MGAT4C: variants seen among roughly 807,000 people sequenced by gnomAD.
MGAT4C encodes MGAT4 family member C, also known as alpha-1,3-mannosyl-glycoprotein 4-beta-N-acetylglucosaminyltransferase C.
MGAT4C carries 19 observed loss-of-function variants against 40.1 expected under a neutral mutation model. That is an observed-to-expected ratio of 0.47 (90% CI 0.33 to 0.70). MGAT4C has a LOEUF of 0.70. Among genes scored for constraint, MGAT4C ranks in the 30% least tolerant of loss-of-function variants. The pLI is 0.02. For missense variants in MGAT4C, 491 were observed against 563.2 expected (o/e 0.87, Z 1.30); for synonymous variants, 181 against 187.1 (o/e 0.97, Z 0.27).
intron 3 of MGAT4C, among the ~76,000 whole-genome samples, chr12:86,386,229 T>C (rs902076226): frequency 4.6e-5 from 7 of 152,278 alleles, no homozygotes; most frequent in East Asian, 1.9e-4. Context: ...GTAATTATTT[T>C]TGAGATTCAA....
At chr12:86,187,215 C>T (rs1299035943) in intron 1 of MGAT4C, among the ~76,000 whole-genome samples, 5 of 151,990 alleles carry the variant, frequency 3.3e-5, no homozygotes, top group Non-Finnish European at 7.4e-5. Flanking sequence ...ATAGCCCTAC[C>T]ACCCTGAATG....
intron 4 of MGAT4C, among the ~76,000 whole-genome samples, chr12:86,331,570 G>C (rs1447876580): frequency 6.6e-6 from 1 of 152,056 alleles, no homozygotes; most frequent in South Asian, 2.1e-4. Context: ...CCAGTTTCTG[G>C]TGTTTCTATC....
intron 3 of MGAT4C, among the ~76,000 whole-genome samples, chr12:86,416,872 A>G (rs747269513): frequency 2.8e-4 from 42 of 152,108 alleles, no homozygotes; most frequent in Admixed American, 1.6e-3. Flanking sequence ...AGTTAAGATG[A>G]TATCATTGGA....
At chr12:86,757,423 A>C (rs1464933658) in intron 1 of MGAT4C, among the ~76,000 whole-genome samples, 1 of 152,180 alleles carries the variant, frequency 6.6e-6, no homozygotes, top group Non-Finnish European at 1.5e-5. Flanking sequence ...TACTTTGTGC[A>C]TTGCATTAAA....
intron 2 of MGAT4C, among the ~76,000 whole-genome samples, chr12:86,640,997 T>C (rs982962737): frequency 1.3e-5 from 2 of 151,986 alleles, no homozygotes; most frequent in African/African-American, 2.4e-5. Flanking sequence ...TTCTTGTACA[T>C]TTGCTGAGGA....
Position 86,702,246 on chromosome 12 carries a change from T to C in MGAT4C, c.-229+24963A>G, listed in dbSNP as rs374759004. Among the ~76,000 whole-genome samples, 11 of 152,044 alleles carry C rather than the reference T, an allele frequency of 7.2e-5. No individual in the cohort carries two copies. In the East Asian group the frequency reaches 2.1e-3, roughly 30 times the overall value. Reference sequence around the variant, plus strand: ...TTTCAGAGATGTAGTATTACTATGTTGTTGCCCAGGCTGGTCTTGAATTTC... The same window carrying C: ...TTTCAGAGATGTAGTATTACTATGTCGTTGCCCAGGCTGGTCTTGAATTTC... On this transcript the variant is annotated intron_variant, in intron 2 of 7. Coordinates refer to the MGAT4C transcript ENST00000548651.
intron 1 of MGAT4C, among the ~76,000 whole-genome samples, chr12:86,085,937 T>G (rs555416402): frequency 3.3e-5 from 5 of 152,188 alleles, no homozygotes; most frequent in African/African-American, 1.2e-4. Context: ...TTTACACTGT[T>G]GGTGGGAGTG....
intron 1 of MGAT4C, among the ~76,000 whole-genome samples, chr12:86,787,092 T>G (rs572838027): frequency 8.9e-4 from 136 of 152,236 alleles, no homozygotes; most frequent in African/African-American, 3.2e-3. Context: ...GGGCTTTCAG[T>G]GCAAGCATCA....
chr12:85,956,999 T>C lies in MGAT4C; in HGVS notation c.*22290A>G, dbSNP rs932629803. 1 of 152,152 alleles carries C rather than the reference T, an allele frequency of 6.6e-6. No homozygotes were observed. The highest frequency in any genetic ancestry group is 1.5e-5 in the Non-Finnish European group (1 of 68,020). The allele number at this position is 152,152 out of a possible 1,614,324, so 9.4% of individuals were successfully genotyped here. ...CTTCCTATTGTAACAGCTGATTTCA[T>C]GGCTATGTGGAACCATTGGTTGGAC... On this transcript the variant is annotated 3_prime_UTR_variant, in exon 5 of 5. Transcript: ENST00000611864.
intron 1 of MGAT4C, among the ~76,000 whole-genome samples, chr12:86,145,417 C>T (rs1385488986): frequency 6.6e-6 from 1 of 152,016 alleles, no homozygotes; most frequent in African/African-American, 2.4e-5. Flanking sequence ...TTGGGTTGTG[C>T]ACAAAACTAA....
intron 2 of MGAT4C, among the ~76,000 whole-genome samples, chr12:86,539,941 A>T (rs1959144756): frequency 6.6e-6 from 1 of 152,010 alleles, no homozygotes; most frequent in Admixed American, 6.6e-5. Context: ...AGATTGGTAG[A>T]TTGTAAAAAT....
chr12:86,354,543 T>C (rs185102376), intron 3 of MGAT4C, among the ~76,000 whole-genome samples: 17 of 152,092 alleles, frequency 1.1e-4, no homozygotes, highest in Admixed American at 9.2e-4. Context: ...AAATAGAAGT[T>C]ATAAGAATAA....
At chr12:86,148,720 C>G (rs1029178548) in intron 1 of MGAT4C, among the ~76,000 whole-genome samples, 1 of 152,158 alleles carries the variant, frequency 6.6e-6, no homozygotes, top group Admixed American at 6.5e-5. Flanking sequence ...TTCATAAACA[C>G]TTTACCATTA....
intron 2 of MGAT4C, among the ~76,000 whole-genome samples, chr12:86,546,064 T>C (rs1051101239): frequency 6.6e-6 from 1 of 152,018 alleles, no homozygotes; most frequent in African/African-American, 2.4e-5. Context: ...GCTCAAAACG[T>C]TGACGTTTTT....
intron 2 of MGAT4C, among the ~76,000 whole-genome samples, chr12:86,497,434 G>T (rs1223176153): frequency 6.6e-6 from 1 of 151,850 alleles, no homozygotes; most frequent in Non-Finnish European, 1.5e-5. Flanking sequence ...CAAGGAAATT[G>T]TTACTTTTAT....
chr12:86,394,379 C>T (rs1417607080), intron 3 of MGAT4C, among the ~76,000 whole-genome samples: 11 of 151,082 alleles, frequency 7.3e-5, no homozygotes, highest in Non-Finnish European at 1.6e-4. Flanking sequence ...AATGCTTGTT[C>T]TAAAGAGGCT....
rs1345424399 is a variant in MGAT4C, at chr12:86,501,116, T to C, written c.-228-65851A>G. 3.3e-5 allele frequency among the ~76,000 whole-genome samples: 5 copies of C among 152,160 alleles called. No individual in the cohort carries two copies. In the East Asian group the frequency reaches 7.7e-4, roughly 24 times the overall value. ...ATGGTCTCCTTAATAATAAAACTTG[T>C]TTAATTGTATAGCCACATTGGAAAA... On this transcript the variant is annotated intron_variant, in intron 2 of 7. Transcript: ENST00000548651.
intron 3 of MGAT4C, among the ~76,000 whole-genome samples, chr12:86,355,602 C>T (rs1051292012): frequency 3.3e-5 from 5 of 151,880 alleles, no homozygotes; most frequent in African/African-American, 4.8e-5. Context: ...GACAGGACAA[C>T]ATGTTGAAAG....
chr12:86,270,448 A>G (rs1952917014), intron 4 of MGAT4C, among the ~76,000 whole-genome samples: 1 of 152,088 alleles, frequency 6.6e-6, no homozygotes, highest in Non-Finnish European at 1.5e-5. Context: ...CCTAGCAACC[A>G]CAATTCTATT....
Sources: allele counts gnomAD v4.1 joint callset (sites outside exome capture counted in the v4.1 genomes callset), GRCh38; gene constraint gnomAD v4.1.1; transcripts MANE v1.5; gene names NCBI Gene and HGNC (gene_info 2026-07-23, HGNC 2026-07-21).